GFRAL: variants seen among roughly 807,000 people sequenced by gnomAD.
GFRAL encodes GDNF family receptor alpha like.
GFRAL carries 36 observed loss-of-function variants against 45.4 expected under a neutral mutation model. The observed-to-expected ratio is 0.79, with a 90% CI of 0.61 to 1.05. GFRAL has a LOEUF of 1.05. Among genes scored for constraint, GFRAL ranks in the 50% least tolerant of loss-of-function variants. The probability of loss-of-function intolerance (pLI) is 0.00; values close to 1 mark genes in which losing one functional copy is unlikely to be tolerated. For synonymous variants in GFRAL, 166 were observed against 154.1 expected (o/e 1.08, Z -0.57); for missense variants, 507 against 467.5 (o/e 1.08, Z -0.78).
At chr6:55,389,787 T>G (rs532949839) in intron 6 of GFRAL, among the ~76,000 whole-genome samples, 1 of 152,338 alleles carries the variant, frequency 6.6e-6, no homozygotes, top group African/African-American at 2.4e-5. Flanking sequence ...TGTGTGTATA[T>G]GTAAAGTGAC....
At chr6:55,367,432 T>C (rs1410726908) in intron 6 of GFRAL, among the ~76,000 whole-genome samples, 2 of 145,196 alleles carry the variant, frequency 1.4e-5, no homozygotes, top group African/African-American at 5.4e-5. Flanking sequence ...GAGCATTTAG[T>C]CCATTTACAT....
At chr6:55,361,423 T>A (rs1488486177) in intron 6 of GFRAL, among the ~76,000 whole-genome samples, 1 of 152,098 alleles carries the variant, frequency 6.6e-6, no homozygotes, top group Non-Finnish European at 1.5e-5. Context: ...AGAATACTTA[T>A]AATATCTAAT....
intron 3 of GFRAL, among the ~76,000 whole-genome samples, chr6:55,339,375 G>A (rs779853508): frequency 8.5e-5 from 13 of 152,106 alleles, no homozygotes; most frequent in Non-Finnish European, 1.3e-4. Flanking sequence ...GTCTAAAAAT[G>A]TAAAGGAGCA....
intron 3 of GFRAL, among the ~76,000 whole-genome samples, chr6:55,347,285 T>C (rs1477281601): frequency 2.6e-5 from 4 of 152,112 alleles, no homozygotes; most frequent in Non-Finnish European, 4.4e-5. Flanking sequence ...ATAAGTAATA[T>C]TTGCAATTGA....
In GFRAL at chr6:55,349,910, G is replaced by C. The variant is rs184609284; in HGVS notation, c.317-182G>C. Reference sequence around the variant, plus strand: ...CACTTGAATGATATTTCAGAGGCTTGTTTTCTTCATCTATACCACATTAAT... The same window carrying C: ...CACTTGAATGATATTTCAGAGGCTTCTTTTCTTCATCTATACCACATTAAT... On this transcript the variant is annotated intron_variant, in intron 3 of 8. Transcript: ENST00000340465. Among the ~76,000 whole-genome samples the C allele has an allele frequency of 1.6e-3, 239 of 152,054 alleles. 1 individual carries two copies. Among genetic ancestry groups the C allele is most frequent in the Middle Eastern group, 3.4e-3 (1 of 294 alleles).
At chr6:55,396,021 G>T (rs1255929789) in intron 6 of GFRAL, among the ~76,000 whole-genome samples, 1 of 152,106 alleles carries the variant, frequency 6.6e-6, no homozygotes, top group Non-Finnish European at 1.5e-5. Flanking sequence ...TGGGGCTGAG[G>T]TTAGTTATCA....
intron 6 of GFRAL, among the ~76,000 whole-genome samples, chr6:55,372,537 T>C (rs186033628): frequency 2.1e-3 from 324 of 152,284 alleles, no homozygotes; most frequent in African/African-American, 6.9e-3. Flanking sequence ...CTTTCCTACA[T>C]GCAGCTCTAC....
rs1318515669 is a variant in GFRAL, at chr6:55,348,110, G to C, written c.317-1982G>C. ...ATTGTTGGATATTTTCTGATGAACT[G>C]TATAGGATTTTATAACTCACATGTA... is the stretch of plus-strand genomic sequence containing the variant. On this transcript the variant is annotated intron_variant, in intron 3 of 8. Coordinates refer to ENST00000340465, the MANE Select transcript of GFRAL (RefSeq NM_207410.2). 2.0e-5 allele frequency among the ~76,000 whole-genome samples: 3 copies of C among 152,008 alleles called. No individual in the cohort carries two copies. The East Asian group carries it at 5.8e-4, about 29-fold the overall frequency.
intron 3 of GFRAL, among the ~76,000 whole-genome samples, chr6:55,340,631 C>A (rs1290339758): frequency 6.6e-6 from 1 of 152,138 alleles, no homozygotes; most frequent in Non-Finnish European, 1.5e-5. Context: ...ACATTTCCAA[C>A]TGAGGTACCA....
intron 6 of GFRAL, among the ~76,000 whole-genome samples, chr6:55,367,243 A>G (rs1328706942): frequency 1.6e-5 from 2 of 128,524 alleles, no homozygotes; most frequent in African/African-American, 3.3e-5. Context: ...AGTCTGTTTT[A>G]TCAGAGACTA....
At chr6:55,380,123 C>T (rs1768589083) in intron 6 of GFRAL, among the ~76,000 whole-genome samples, 1 of 151,936 alleles carries the variant, frequency 6.6e-6, no homozygotes, top group African/African-American at 2.4e-5. Context: ...AATTTCACTT[C>T]CTTTGGATGT....
chr6:55,366,319 A>C (rs1370036633), intron 6 of GFRAL, among the ~76,000 whole-genome samples: 2 of 151,200 alleles, frequency 1.3e-5, no homozygotes, highest in Non-Finnish European at 2.9e-5. Context: ...CATCTATTTG[A>C]TTCTGCTCTT....
At chr6:55,342,399 C>G (rs1767980609) in intron 3 of GFRAL, among the ~76,000 whole-genome samples, 3 of 151,942 alleles carry the variant, frequency 2.0e-5, no homozygotes, top group Admixed American at 1.3e-4. Context: ...AATTTTCAAA[C>G]CAGAATTTCA....
chr6:55,339,356 A>G (rs1446281745), intron 3 of GFRAL, among the ~76,000 whole-genome samples: 1 of 152,044 alleles, frequency 6.6e-6, no homozygotes, highest in Non-Finnish European at 1.5e-5. Context: ...TTGCAATGAT[A>G]AAAAAATAGT....
intron 6 of GFRAL, among the ~76,000 whole-genome samples, chr6:55,369,146 G>T: frequency 6.6e-6 from 1 of 151,700 alleles, no homozygotes; most frequent in Non-Finnish European, 1.5e-5. Context: ...ATCTCATGGT[G>T]CGCCGTTTTT....
At chr6:55,341,757 AG>A (rs1224055722) in intron 3 of GFRAL, among the ~76,000 whole-genome samples, 1 of 152,210 alleles carries the variant, frequency 6.6e-6, no homozygotes, top group African/African-American at 2.4e-5. Context: ...CCCATTGAAA[AG>A]AAGCTAAAAA....
At chr6:55,364,666 G>A (rs1271595794) in intron 6 of GFRAL, among the ~76,000 whole-genome samples, 1 of 151,224 alleles carries the variant, frequency 6.6e-6, no homozygotes, top group Non-Finnish European at 1.5e-5. Flanking sequence ...TGGCTAGCCA[G>A]TTTTCCCAGC....
chr6:55,368,986 G>A (rs571568399), intron 6 of GFRAL, among the ~76,000 whole-genome samples: 153 of 152,050 alleles, frequency 1.0e-3, no homozygotes, highest in African/African-American at 3.4e-3. Context: ...GGAGCTTCCC[G>A]GCTGCTTTGT....
At chr6:55,364,556 G>T (rs1768330850) in intron 6 of GFRAL, among the ~76,000 whole-genome samples, 1 of 145,550 alleles carries the variant, frequency 6.9e-6, no homozygotes, top group Admixed American at 6.8e-5. Flanking sequence ...TTCTTCTAGG[G>T]TTTTTATGGT....
Sources: gnomAD v4.1 joint callset for allele counts (sites outside exome capture counted in the v4.1 genomes callset) on GRCh38, gnomAD v4.1.1 for gene constraint, MANE v1.5 for transcripts, NCBI Gene and HGNC (gene_info 2026-07-23, HGNC 2026-07-21) for gene names.